MLLT3: variants seen among roughly 807,000 people sequenced by gnomAD.
The protein encoded by MLLT3 is MLLT3 super elongation complex subunit.
Under a neutral mutation model 53.2 loss-of-function variants are expected in MLLT3, and 4 were observed. That is an observed-to-expected ratio of 0.08 (90% CI 0.04 to 0.17). MLLT3 has a LOEUF of 0.17. Among genes scored for constraint, MLLT3 ranks in the 10% least tolerant of loss-of-function variants. MLLT3 has a pLI of 1.00. For synonymous variants in MLLT3, 283 were observed against 230.6 expected (o/e 1.23, Z -2.06); for missense variants, 569 against 684.0 (o/e 0.83, Z 1.87).
chr9:20,456,904 T>G (rs1823984046), intron 2 of MLLT3, 118 bp from the exon 3 acceptor site: 1 of 679,094 alleles, frequency 1.5e-6, no homozygotes, highest in African/African-American at 1.9e-5. Flanking sequence ...CATAGCCCCT[T>G]GCCAAACTCC....
chr9:20,429,011 G>A (rs1158740159), intron 4 of MLLT3, among the ~76,000 whole-genome samples: 1 of 152,074 alleles, frequency 6.6e-6, no homozygotes, highest in Non-Finnish European at 1.5e-5. Flanking sequence ...AGCCCACAGG[G>A]TTTTAGAAGC....
At chr9:20,573,582 T>C (rs542395876) in intron 2 of MLLT3, among the ~76,000 whole-genome samples, 66 of 152,346 alleles carry the variant, frequency 4.3e-4, no homozygotes, top group Non-Finnish European at 7.8e-4. Flanking sequence ...ATAAAGTTAA[T>C]GTTTAAAGTA....
At chr9:20,453,096 A>C (rs543368641) in intron 3 of MLLT3, among the ~76,000 whole-genome samples, 28 of 152,244 alleles carry the variant, frequency 1.8e-4, no homozygotes, top group Non-Finnish European at 3.8e-4. Flanking sequence ...ACTATAGCAA[A>C]TATTTGGTTT....
chr9:20,457,464 G>A (rs901797830), intron 2 of MLLT3, among the ~76,000 whole-genome samples: 18 of 151,712 alleles, frequency 1.2e-4, no homozygotes, highest in African/African-American at 4.4e-4. Context: ...GGTCATGCTG[G>A]TCTTGAACTC....
intron 5 of MLLT3, among the ~76,000 whole-genome samples, chr9:20,367,299 T>C (rs929141065): frequency 2.6e-5 from 4 of 152,238 alleles, no homozygotes; most frequent in Admixed American, 6.5e-5. Context: ...TCATGTTTTC[T>C]TGTTAGAGGT....
At chr9:20,527,274 A>G (rs780222968) in intron 2 of MLLT3, among the ~76,000 whole-genome samples, 8 of 152,166 alleles carry the variant, frequency 5.3e-5, no homozygotes, top group Non-Finnish European at 1.2e-4. Flanking sequence ...CAATATGCAA[A>G]AGCATAAAGA....
At position 20,450,539 on chromosome 9, in the gene MLLT3, T is replaced by C. The variant is rs971031072; in HGVS notation, c.277-2273A>G. Reference sequence around the variant, plus strand: ...TTCCACAACTTTGAAGCATCTGCAGTTCCCCAATACTTCACATTAACTCAT... The same window carrying C: ...TTCCACAACTTTGAAGCATCTGCAGCTCCCCAATACTTCACATTAACTCAT... On this transcript the variant is annotated intron_variant, in intron 3 of 10. Coordinates refer to ENST00000380338, the MANE Select transcript of MLLT3 (RefSeq NM_004529.4). 1.1e-4 allele frequency among the ~76,000 whole-genome samples: 17 copies of C among 152,134 alleles called. 1 individual carries two copies. The highest frequency in any genetic ancestry group is 1.5e-5 in the Non-Finnish European group (1 of 68,024).
At chr9:20,391,797 G>A (rs1010630396) in intron 5 of MLLT3, among the ~76,000 whole-genome samples, 5 of 152,160 alleles carry the variant, frequency 3.3e-5, no homozygotes, top group Non-Finnish European at 7.4e-5. Context: ...GCTTAAGTTA[G>A]TAGAAGGAAG....
At chr9:20,447,025 C>A (rs1823723530) in intron 4 of MLLT3, among the ~76,000 whole-genome samples, 1 of 152,066 alleles carries the variant, frequency 6.6e-6, no homozygotes, top group South Asian at 2.1e-4. Context: ...AGTAAAAGGA[C>A]AGCAGCCTAG....
intron 2 of MLLT3, among the ~76,000 whole-genome samples, chr9:20,619,553 T>C (rs957996387): frequency 6.6e-6 from 1 of 152,198 alleles, no homozygotes; most frequent in African/African-American, 2.4e-5. Flanking sequence ...TAGATGCCAA[T>C]AAAGATTACG....
chr9:20,558,504 C>G (rs1013230022), intron 2 of MLLT3, among the ~76,000 whole-genome samples: 5 of 152,168 alleles, frequency 3.3e-5, no homozygotes, highest in Non-Finnish European at 7.4e-5. Context: ...CTAAACCTCA[C>G]TTGTGCCTAA....
chr9:20,469,414 T>C (rs1824317543), intron 2 of MLLT3, among the ~76,000 whole-genome samples: 1 of 152,190 alleles, frequency 6.6e-6, no homozygotes, highest in South Asian at 2.1e-4. Context: ...AACACCCTTG[T>C]TCTTAATCAC....
chr9:20,465,660 T>C (rs1824221363), intron 2 of MLLT3, among the ~76,000 whole-genome samples: 1 of 152,176 alleles, frequency 6.6e-6, no homozygotes, highest in Non-Finnish European at 1.5e-5. Context: ...TTTTGCTTTA[T>C]TCCCTTTTCC....
chr9:20,559,317 T>C (rs1242562959), intron 2 of MLLT3, among the ~76,000 whole-genome samples: 1 of 152,188 alleles, frequency 6.6e-6, no homozygotes, highest in Non-Finnish European at 1.5e-5. Context: ...TTTTAACTTT[T>C]GCTATTAAAA....
At chr9:20,567,977 A>G (rs1006017820) in intron 2 of MLLT3, among the ~76,000 whole-genome samples, 8 of 152,172 alleles carry the variant, frequency 5.3e-5, no homozygotes, top group African/African-American at 1.9e-4. Context: ...AACAATTAAG[A>G]TGTTGACTTG....
chr9:20,587,989 T>A (rs996585866), intron 2 of MLLT3, among the ~76,000 whole-genome samples: 148 of 144,888 alleles, frequency 1.0e-3, no homozygotes, highest in African/African-American at 4.0e-3. Flanking sequence ...AACATTTAAG[T>A]CTTTAATCCA....
chr9:20,610,362 T>C (rs1461803696), intron 2 of MLLT3, among the ~76,000 whole-genome samples: 1 of 152,166 alleles, frequency 6.6e-6, no homozygotes, highest in Admixed American at 6.5e-5. Context: ...AAAATTCATT[T>C]TTGCCTATTA....
intron 2 of MLLT3, among the ~76,000 whole-genome samples, chr9:20,483,607 T>C (rs367565005): frequency 6.6e-6 from 1 of 151,830 alleles, no homozygotes; most frequent in South Asian, 2.1e-4. Flanking sequence ...AGCAAACTGT[T>C]AATACCATAT....
At chr9:20,578,978 ACT>A (rs1819722683) in intron 2 of MLLT3, among the ~76,000 whole-genome samples, 1 of 152,184 alleles carries the variant, frequency 6.6e-6, no homozygotes, top group African/African-American at 2.4e-5. Context: ...TAAAATTGCA[ACT>A]GTGACTTGCA....
Sources: gnomAD v4.1 joint callset for allele counts (sites outside exome capture counted in the v4.1 genomes callset) on GRCh38, gnomAD v4.1.1 for gene constraint, MANE v1.5 for transcripts, NCBI Gene and HGNC (gene_info 2026-07-23, HGNC 2026-07-21) for gene names.